The following SPOCK3 variants were observed in gnomAD, a reference collection of about 807,000 sequenced individuals.
The protein encoded by SPOCK3 is testican-3.
SPOCK3 carries 30 observed loss-of-function variants against 56.6 expected under a neutral mutation model. The observed-to-expected ratio is 0.53, with a 90% confidence interval of 0.40 to 0.72. SPOCK3 has a LOEUF of 0.72. Among genes scored for constraint, SPOCK3 ranks in the 30% least tolerant of loss-of-function variants. SPOCK3 has a pLI of 0.00. For synonymous variants in SPOCK3, 196 were observed against 183.3 expected, an observed-to-expected ratio of 1.07 and a Z score of -0.56; for missense variants, 527 against 530.0, an observed-to-expected ratio of 0.99 and a Z score of 0.06.
chr4:167,011,958 T>C (rs1291609800), intron 3 of SPOCK3, among the ~76,000 whole-genome samples: 3 of 152,108 alleles, frequency 2.0e-5, no homozygotes, highest in Non-Finnish European at 4.4e-5. Context: ...TTGTGTGTGA[T>C]TCAAATAAAA....
chr4:167,158,422 G>A (rs1580465946), intron 2 of SPOCK3, among the ~76,000 whole-genome samples: 1 of 152,028 alleles, frequency 6.6e-6, no homozygotes, highest in South Asian at 2.1e-4. Flanking sequence ...AATGCAGTGG[G>A]TGTCATCACC....
intron 2 of SPOCK3, among the ~76,000 whole-genome samples, chr4:167,210,774 AAT>A (rs1734792556): frequency 6.6e-6 from 1 of 152,156 alleles, no homozygotes; most frequent in Non-Finnish European, 1.5e-5. Flanking sequence ...GAGTCATACA[AAT>A]ATATGACTAG....
intron 6 of SPOCK3, among the ~76,000 whole-genome samples, chr4:166,795,161 C>T (rs920288254): frequency 2.0e-5 from 3 of 152,140 alleles, no homozygotes; most frequent in Non-Finnish European, 2.9e-5. Flanking sequence ...TCTTTTATAA[C>T]ACCATCAGCT....
chr4:166,794,936 C>T (rs752647866), intron 6 of SPOCK3, among the ~76,000 whole-genome samples: 2 of 152,142 alleles, frequency 1.3e-5, no homozygotes, highest in Non-Finnish European at 1.5e-5. Flanking sequence ...AGTCACCGCG[C>T]CGGCCCGTTT....
chr4:167,105,747 C>T (rs1760068323), intron 2 of SPOCK3, among the ~76,000 whole-genome samples: 1 of 151,462 alleles, frequency 6.6e-6, no homozygotes, highest in Admixed American at 6.6e-5. Context: ...CTACAAGGAA[C>T]ATGCTTTACC....
intron 2 of SPOCK3, among the ~76,000 whole-genome samples, chr4:167,175,441 C>T (rs1269249491): frequency 2.0e-5 from 3 of 152,126 alleles, no homozygotes; most frequent in African/African-American, 7.2e-5. Context: ...AGGCACAAAA[C>T]AATGATTATG....
intron 6 of SPOCK3, among the ~76,000 whole-genome samples, chr4:166,835,069 C>A (rs72697529): frequency 1.2e-3 from 178 of 151,984 alleles, no homozygotes; most frequent in Non-Finnish European, 1.8e-3. Context: ...AAATATTTTT[C>A]TGTTATTCTA....
intron 2 of SPOCK3, among the ~76,000 whole-genome samples, chr4:167,222,760 G>T (rs1446897709): frequency 2.5e-5 from 3 of 121,836 alleles, no homozygotes; most frequent in South Asian, 5.1e-4. Context: ...GATATATATT[G>T]ATATATGAAT....
intron 4 of SPOCK3, among the ~76,000 whole-genome samples, chr4:166,982,491 G>A (rs1445309598): frequency 6.6e-6 from 1 of 152,164 alleles, no homozygotes; most frequent in Non-Finnish European, 1.5e-5. Flanking sequence ...GATGGAGCTT[G>A]CAGTGAGCCA....
chr4:166,923,906 T>G (rs1005418305), intron 4 of SPOCK3, among the ~76,000 whole-genome samples: 1 of 152,168 alleles, frequency 6.6e-6, no homozygotes, highest in Non-Finnish European at 1.5e-5. Context: ...GGCAGGCATA[T>G]CAACATCCCT....
chr4:167,223,248 T>A (rs1736239049), intron 2 of SPOCK3, among the ~76,000 whole-genome samples: 1 of 141,532 alleles, frequency 7.1e-6, no homozygotes, highest in African/African-American at 2.6e-5. Flanking sequence ...TTATATTCAT[T>A]TATAAATATA....
rs367811359 is a variant in SPOCK3, at chr4:166,800,183, G to GAAAA, written c.590-7898_590-7895dup. 4.2e-4 allele frequency among the ~76,000 whole-genome samples: 22 copies of GAAAA among 51,780 alleles called. 1 individual carries two copies. The highest frequency in any genetic ancestry group is 1.4e-3 in the East Asian group (1 of 714). The allele number at this position is 51,780 out of a possible 152,430, so 34.0% of individuals were successfully genotyped here. A position where few individuals can be genotyped will look rare whatever the true frequency, so the allele number is the denominator to read the frequency against. On this transcript the variant is annotated intron_variant, in intron 6 of 10. Coordinates refer to ENST00000357545, the MANE Select transcript of SPOCK3 (RefSeq NM_001040159.2). ...GGCGACAGAGAGAGACTCCATCTCA[G>GAAAA]AAAAAAAAAAAAAAAAAAAAAAATG...
intron 2 of SPOCK3, among the ~76,000 whole-genome samples, chr4:167,175,333 C>A (rs185491302): frequency 1.3e-3 from 200 of 152,204 alleles, no homozygotes; most frequent in Non-Finnish European, 2.4e-3. Context: ...TTAAAAGAAT[C>A]ACCTTTGTCA....
intron 2 of SPOCK3, among the ~76,000 whole-genome samples, chr4:167,193,993 G>A (rs1732699657): frequency 6.6e-6 from 1 of 152,074 alleles, no homozygotes; most frequent in South Asian, 2.1e-4. Context: ...ATTACATAAT[G>A]TGTATATTAA....
At position 167,161,881 on chromosome 4, in the gene SPOCK3, G is replaced by A. The variant is rs1328037435; in HGVS notation, c.189+72104C>T. ...CAGGAAGGGGAACATCACACACGGG[G>A]GACTGTTGTGGGGTGGGGGGAGGGG... On this transcript the variant is annotated intron_variant, in intron 2 of 10. Transcript: ENST00000357545. Among the ~76,000 whole-genome samples, 2 of 134,644 alleles carry A rather than the reference G, an allele frequency of 1.5e-5. 1 individual carries two copies. The highest frequency in any genetic ancestry group is 3.2e-5 in the Non-Finnish European group (2 of 63,202). 88.3% of individuals were successfully genotyped at this position (134,644 alleles called of 152,430 possible).
At chr4:167,181,796 C>G (rs190038267) in intron 2 of SPOCK3, among the ~76,000 whole-genome samples, 17 of 152,302 alleles carry the variant, frequency 1.1e-4, no homozygotes, top group Admixed American at 1.0e-3. Context: ...CCACCCAATA[C>G]ATGAAGACAT....
At chr4:166,933,083 C>T (rs1442457777) in intron 4 of SPOCK3, among the ~76,000 whole-genome samples, 1 of 151,922 alleles carries the variant, frequency 6.6e-6, no homozygotes, top group African/African-American at 2.4e-5. Flanking sequence ...TTTACTCAAA[C>T]TTCAAACATA....
rs536321442 is a variant in SPOCK3, at chr4:167,031,505, G to T, written c.235+30987C>A. On this transcript the variant is annotated intron_variant, in intron 3 of 10. Coordinates refer to ENST00000357545, the MANE Select transcript of SPOCK3 (RefSeq NM_001040159.2). Reference sequence around the variant, plus strand: ...TCCAATATTATTATAATGATAAATGGCTCACTTACAAGAAAAAGGCACACT... The same window carrying T: ...TCCAATATTATTATAATGATAAATGTCTCACTTACAAGAAAAAGGCACACT... Among the ~76,000 whole-genome samples the T allele has an allele frequency of 1.1e-4, 17 of 151,940 alleles. No individual in the cohort carries two copies. In the South Asian group the frequency reaches 3.3e-3, roughly 30 times the overall value.
chr4:166,977,479 A>G (rs1216996866), intron 4 of SPOCK3, among the ~76,000 whole-genome samples: 1 of 152,102 alleles, frequency 6.6e-6, no homozygotes, highest in Admixed American at 6.6e-5. Context: ...TAATCATAGC[A>G]TTCTCTGATA....
Sources: allele counts gnomAD v4.1 joint callset (sites outside exome capture counted in the v4.1 genomes callset), GRCh38; gene constraint gnomAD v4.1.1; transcripts MANE v1.5; gene names NCBI Gene and HGNC (gene_info 2026-07-23, HGNC 2026-07-21).